RNF4: variants seen among roughly 807,000 people sequenced by gnomAD.
RNF4 encodes ring finger protein 4.
In RNF4, 7 loss-of-function variants were observed where a neutral mutation model predicts 24.3. The ratio of observed to expected loss-of-function variants is 0.29; its 90% confidence interval spans 0.16 to 0.54. The LOEUF is 0.54. Among genes scored for constraint, RNF4 ranks in the 20% least tolerant of loss-of-function variants. The pLI is 0.95. For missense variants in RNF4, 209 were observed against 248.5 expected (o/e 0.84, Z 1.07); for synonymous variants, 83 against 84.3 (o/e 0.98, Z 0.09).
intron 1 of RNF4, among the ~76,000 whole-genome samples, chr4:2,482,716 C>A (rs1217790244): frequency 6.6e-6 from 1 of 152,216 alleles, no homozygotes; most frequent in Non-Finnish European, 1.5e-5. Context: ...GAACAAGCCT[C>A]ATTGCCTCTC....
Position 2,513,988 on chromosome 4 carries a change from T to G in RNF4, c.*169T>G. On this transcript the variant is annotated 3_prime_UTR_variant, in exon 8 of 8. Coordinates refer to ENST00000314289, the MANE Select transcript of RNF4 (RefSeq NM_002938.5). The stretch of plus-strand genomic sequence containing the variant: ...CTTCCTTTTGTTATCTCCAGTTTGA[T>G]GCTATGGCGCTGGACCCAGGGCCCT... 1 of 902,568 alleles carries G rather than the reference T, an allele frequency of 1.1e-6. No homozygotes were observed. 55.9% of individuals were successfully genotyped at this position (902,568 alleles called of 1,614,324 possible). A position where few individuals can be genotyped will look rare whatever the true frequency, so the allele number is the denominator to read the frequency against.
chr4:2,488,470 C>CA (rs1214166866), intron 1 of RNF4, among the ~76,000 whole-genome samples: 28 of 151,556 alleles, frequency 1.8e-4, no homozygotes, highest in African/African-American at 5.6e-4. Flanking sequence ...ACAACAACAA[C>CA]AACAAAAAAA....
intron 1 of RNF4, among the ~76,000 whole-genome samples, chr4:2,488,475 A>AC (rs897869334): frequency 7.2e-5 from 11 of 152,072 alleles, no homozygotes; most frequent in African/African-American, 1.7e-4. Flanking sequence ...AACAACAACA[A>AC]AAAAAAACTG....
chr4:2,490,724 A>G (rs1476674805), intron 2 of RNF4: 1 of 487,998 alleles, frequency 2.0e-6, no homozygotes, highest in African/African-American at 1.9e-5. Flanking sequence ...CAAAAGGCTG[A>G]GAAGGAATAG....
intron 1 of RNF4, chr4:2,480,802 C>T (rs1008284989): frequency 2.6e-5 from 4 of 152,134 alleles, no homozygotes; most frequent in African/African-American, 9.7e-5. Context: ...AGCGGCAGGA[C>T]CAACCTGGCC....
At chr4:2,506,391 A>T (rs921695561) in intron 4 of RNF4, 22 of 152,244 alleles carry the variant, frequency 1.4e-4, no homozygotes, top group African/African-American at 5.3e-4. Context: ...CATGTTGACC[A>T]GGCTGGTCTT....
chr4:2,491,288 G>A (rs1735572135), intron 2 of RNF4, among the ~76,000 whole-genome samples: 4 of 152,202 alleles, frequency 2.6e-5, no homozygotes, highest in South Asian at 4.1e-4. Context: ...CCAGCCTGGA[G>A]TGCAGTGGCC....
At chr4:2,513,053 AG>A (rs1302361518) in intron 6 of RNF4, 29 bp from the exon 7 acceptor site, 7 of 1,610,978 alleles carry the variant, frequency 4.3e-6, no homozygotes. Context: ...GCGTTGACTG[AG>A]AAACTAACGT....
intron 1 of RNF4, among the ~76,000 whole-genome samples, chr4:2,476,208 A>G (rs1310195734): frequency 6.6e-6 from 1 of 152,176 alleles, no homozygotes; most frequent in Non-Finnish European, 1.5e-5. Context: ...AACTACTGCT[A>G]AATTCTGCTC....
chr4:2,511,999 G>GGA (rs1283514233), intron 5 of RNF4, 34 bp downstream of exon 5: 1 of 1,595,148 alleles, frequency 6.3e-7, no homozygotes, highest in Non-Finnish European at 8.5e-7. Context: ...CACTGGGTTT[G>GGA]GAGAGGAAAC....
At chr4:2,469,293 A>G (rs1451826088) in intron 1 of RNF4, 35 bp downstream of exon 1, 1 of 152,154 alleles carries the variant, frequency 6.6e-6, no homozygotes. Context: ...AGGTTTAGGC[A>G]GCTTCGCGGC....
chr4:2,487,122 G>C (rs1039252256), intron 1 of RNF4, among the ~76,000 whole-genome samples: 2 of 152,178 alleles, frequency 1.3e-5, no homozygotes, highest in African/African-American at 4.8e-5. Context: ...ACCAGGTGAG[G>C]TGTTGCTTTG....
chr4:2,497,190 C>A, intron 3 of RNF4, 69 bp downstream of exon 3: 1 of 1,220,156 alleles, frequency 8.2e-7, no homozygotes, highest in Non-Finnish European at 1.2e-6. Context: ...CCAGGGTGAG[C>A]TAGTAGAAGG....
At chr4:2,503,454 G>C (rs1735976894) in intron 4 of RNF4, among the ~76,000 whole-genome samples, 1 of 152,192 alleles carries the variant, frequency 6.6e-6, no homozygotes, top group South Asian at 2.1e-4. Context: ...GGAAGCAGGA[G>C]TCCTAGGTTC....
At chr4:2,499,581 C>T (rs912948452) in intron 3 of RNF4, among the ~76,000 whole-genome samples, 7 of 140,778 alleles carry the variant, frequency 5.0e-5, no homozygotes, top group Non-Finnish European at 6.4e-5. Flanking sequence ...TGGCCCATTC[C>T]GTGCTTTTTA....
Position 2,512,202 on chromosome 4 carries a change from A to G in RNF4, c.215-236A>G. ...ATAGTCCTTTCTTGTGGCCTACCAG[A>G]TTTTGGAGAAGGCTGGTAGCTCACA... On this transcript the variant is annotated intron_variant, in intron 5 of 7. Transcript: ENST00000314289. The surrounding 1 kb of genome is among the most constrained non-coding windows in gnomAD (Gnocchi z 4.1). 1 of 647,192 alleles carries G rather than the reference A, an allele frequency of 1.5e-6. No individual in the cohort carries two copies. The highest frequency in any genetic ancestry group is 2.7e-5 in the East Asian group (1 of 36,942). The allele number at this position is 647,192 out of a possible 1,614,324, so 40.1% of individuals were successfully genotyped here.
chr4:2,480,431 C>G (rs1266328377), intron 1 of RNF4: 2 of 151,960 alleles, frequency 1.3e-5, no homozygotes, highest in African/African-American at 4.8e-5. Flanking sequence ...CACCACCATG[C>G]CTGGCTAATT....
intron 4 of RNF4, among the ~76,000 whole-genome samples, chr4:2,507,903 G>A (rs1736148953): frequency 6.6e-6 from 1 of 151,882 alleles, no homozygotes; most frequent in South Asian, 2.1e-4. Context: ...TGCCCAGGCT[G>A]GAAGGCAGGG....
In RNF4 at chr4:2,487,272, A is replaced by AT. The variant is rs554486867; in HGVS notation, c.-157-3058dup. Among the ~76,000 whole-genome samples the AT allele has an allele frequency of 1.0e-3, 153 of 151,748 alleles. 4 individuals are homozygous for AT. The highest frequency in any genetic ancestry group is 9.3e-3 in the Admixed American group (141 of 15,236). ...CAAGTGTGCACCGTCACATCTGGCTATTTTTTTAATGTGTTTTTATTTTTA... is the reference window on the plus strand; with the variant it reads ...CAAGTGTGCACCGTCACATCTGGCTATTTTTTTTAATGTGTTTTTATTTTTA... On this transcript the variant is annotated intron_variant, in intron 1 of 7. Transcript: ENST00000314289.
Sources: gnomAD v4.1 joint callset for allele counts (sites outside exome capture counted in the v4.1 genomes callset) on GRCh38, gnomAD v4.1.1 for gene constraint, Gnocchi (gnomAD v3.1) non-coding constraint, MANE v1.5 for transcripts, NCBI Gene and HGNC (gene_info 2026-07-23, HGNC 2026-07-21) for gene names.